The following COBLL1 variants were observed in gnomAD, a reference collection of about 807,000 sequenced individuals.
COBLL1 encodes cordon-bleu protein-like 1.
A neutral mutation model predicts 94.8 loss-of-function variants in COBLL1; 50 were observed. The observed-to-expected ratio is 0.53, with a 90% CI of 0.42 to 0.67. COBLL1 has a LOEUF of 0.67. Ranked by LOEUF, COBLL1 falls within the 30% of genes least tolerant of loss-of-function variation. The pLI is 0.00. For synonymous variants in COBLL1, 448 were observed against 473.8 expected, an observed-to-expected ratio of 0.95 and a Z score of 0.71; for missense variants, 1,362 against 1,348.7, an observed-to-expected ratio of 1.01 and a Z score of -0.15.
chr2:164,686,279 A>G (rs1174596724), intron 13 of COBLL1, among the ~76,000 whole-genome samples: 1 of 152,196 alleles, frequency 6.6e-6, no homozygotes, highest in Non-Finnish European at 1.5e-5. Flanking sequence ...CAGAATTACC[A>G]AATCAACACA....
intron 2 of COBLL1, among the ~76,000 whole-genome samples, chr2:164,767,731 T>A (rs2105239678): frequency 6.6e-6 from 1 of 152,290 alleles, no homozygotes; most frequent in South Asian, 2.1e-4. Flanking sequence ...ATAGCATAAT[T>A]TTTTGGTTAG....
chr2:164,660,443 C>T (rs1691053254), intron 2 of COBLL1, among the ~76,000 whole-genome samples: 1 of 152,008 alleles, frequency 6.6e-6, no homozygotes, highest in Non-Finnish European at 1.5e-5. Context: ...AGGAGGGCCA[C>T]GAGGGGTTCA....
rs1408597950 is a variant in COBLL1 at position 164,700,555 on chromosome 2, T to A, written c.1427A>T (p.Glu476Val). ...GSGEFSQNSM[E>V]EKQETKSTDG... ...TGTGCTTTTAGTTTCTTGTTTTTCT[T>A]CCATGGAGTTTTGTGAGAACTCTCC... Residue 476 changes from glutamate (E) to valine (V), a missense_variant, in exon 10 of 14, where the codon GAA becomes GTA. By Grantham distance (121) the Glu-to-Val change is moderately radical. Coordinates refer to ENST00000652658, the MANE Select transcript of COBLL1 (RefSeq NM_001365672.2). 5 of 1,613,726 alleles carry A rather than the reference T, an allele frequency of 3.1e-6. 1 individual carries two copies. In the South Asian group the frequency reaches 5.5e-5, roughly 18 times the overall value.
At chr2:164,828,485 A>C (rs1011482612) in intron 2 of COBLL1, among the ~76,000 whole-genome samples, 13 of 152,074 alleles carry the variant, frequency 8.5e-5, no homozygotes, top group African/African-American at 3.1e-4. Flanking sequence ...ACATAGCTAG[A>C]AAAAAAATAA....
At chr2:164,721,300 C>T (rs1315979411) in intron 7 of COBLL1, among the ~76,000 whole-genome samples, 6 of 152,072 alleles carry the variant, frequency 3.9e-5, no homozygotes, top group Admixed American at 6.6e-5. Context: ...TTTCTGATTA[C>T]CAGCAACAAT....
chr2:164,760,970 C>A (rs1458636455), intron 2 of COBLL1, among the ~76,000 whole-genome samples: 1 of 152,136 alleles, frequency 6.6e-6, no homozygotes, highest in Non-Finnish European at 1.5e-5. Flanking sequence ...TGATGATCCC[C>A]ATCAATAACT....
In COBLL1 at chr2:164,682,153, A is replaced by G. The variant is rs1039941779; in HGVS notation, c.*3793T>C. The G allele has an allele frequency of 2.0e-5, 3 of 152,196 alleles. No individual in the cohort carries two copies. The highest frequency in any genetic ancestry group is 7.2e-5 in the African/African-American group (3 of 41,450). 9.4% of individuals were successfully genotyped at this position (152,196 alleles called of 1,614,324 possible). ...GCTTCTGTGACCTTTGTAAAGTAGC[A>G]ATCTTTGCACACCTTTTAAATATGT... On this transcript the variant is annotated 3_prime_UTR_variant, in exon 14 of 14. Coordinates refer to ENST00000652658, the MANE Select transcript of COBLL1 (RefSeq NM_001365672.2).
At chr2:164,776,250 C>T (rs2105263352) in intron 2 of COBLL1, among the ~76,000 whole-genome samples, 1 of 152,176 alleles carries the variant, frequency 6.6e-6, no homozygotes, top group Non-Finnish European at 1.5e-5. Flanking sequence ...CAAACGCTTC[C>T]CATGGCCCTT....
intron 2 of COBLL1, among the ~76,000 whole-genome samples, chr2:164,819,902 T>C (rs1685076216): frequency 6.6e-6 from 1 of 151,684 alleles, no homozygotes; most frequent in Non-Finnish European, 1.5e-5. Context: ...CTTGGTTCAC[T>C]GCAACCTCTG....
At chr2:164,724,286 G>A (rs1449820329) in intron 5 of COBLL1, 2 of 152,126 alleles carry the variant, frequency 1.3e-5, no homozygotes, top group Non-Finnish European at 1.5e-5. Flanking sequence ...GTTTGCTGAT[G>A]GAAGTACACA....
chr2:164,687,822 T>G (rs1227230525), intron 13 of COBLL1: 1 of 367,444 alleles, frequency 2.7e-6, no homozygotes, highest in East Asian at 5.3e-5. Flanking sequence ...AATGTTTCTG[T>G]GTACAGGATA....
Position 164,704,506 on chromosome 2 carries a change from AC to A in COBLL1, c.1162del (p.Val388Ter). 1 of 1,613,102 alleles carries A rather than the reference AC, an allele frequency of 6.2e-7. No individual in the cohort carries two copies. Among genetic ancestry groups the A allele is most frequent in the Non-Finnish European group, 8.5e-7 (1 of 1,179,048 alleles). On this transcript the variant is annotated frameshift_variant, in exon 9 of 14. Transcript: ENST00000652658. LOFTEE classifies it high-confidence loss of function. ...AGCACTGTCTGGAGGAACTCCATCT[AC>A]TGGCTGTAAGGCTAAAGGAAAGAAG... ...ENSRVTALQP[V>X]DGVPPDSASE... is the part of the protein sequence containing the mutation.
chr2:164,677,796 A>C (rs1691362678), downstream of COBLL1, among the ~76,000 whole-genome samples: 1 of 152,190 alleles, frequency 6.6e-6, no homozygotes, highest in African/African-American at 2.4e-5. Context: ...TAAGATCTAG[A>C]TCTAGAGAGA....
At chr2:164,805,872 A>G (rs1684130602) in intron 2 of COBLL1, among the ~76,000 whole-genome samples, 1 of 152,194 alleles carries the variant, frequency 6.6e-6, no homozygotes, top group Non-Finnish European at 1.5e-5. Context: ...TGGATCATAT[A>G]GTAAGAACGT....
chr2:164,790,489 T>C (rs1294748368), intron 2 of COBLL1, among the ~76,000 whole-genome samples: 1 of 152,240 alleles, frequency 6.6e-6, no homozygotes, highest in Non-Finnish European at 1.5e-5. Flanking sequence ...AGTTTGGTGA[T>C]GCTTTTGTGA....
intron 2 of COBLL1, among the ~76,000 whole-genome samples, chr2:164,805,434 C>T (rs1351163892): frequency 6.9e-6 from 1 of 145,036 alleles, no homozygotes; most frequent in Non-Finnish European, 1.5e-5. Flanking sequence ...TATAATGTGC[C>T]CCTTATTACT....
Position 164,700,534 on chromosome 2 carries a change from C to G in COBLL1, c.1448G>C (p.Ser483Thr), listed in dbSNP as rs1179848996. The change falls in exon 10 of 14, where the codon AGC (serine) becomes ACC (threonine). Residue 483 changes from serine (S) to threonine (T), a missense_variant. By Grantham distance (58) the Ser-to-Thr change is moderately conservative. Transcript: ENST00000652658. Reference sequence around the variant, plus strand: ...AGAGACTACTTACTGTCCATCTGTGCTTTTAGTTTCTTGTTTTTCTTCCAT... The same window carrying G: ...AGAGACTACTTACTGTCCATCTGTGGTTTTAGTTTCTTGTTTTTCTTCCAT... ...NSMEEKQETKSTDGQEPHSVV... is the reference protein window; with the variant it reads ...NSMEEKQETKTTDGQEPHSVV... 1.2e-6 allele frequency: 2 copies of G among 1,611,564 alleles called. No individual in the cohort carries two copies. The highest frequency in any genetic ancestry group is 1.7e-6 in the Non-Finnish European group (2 of 1,177,952).
At chr2:164,783,295 C>G (rs1688797914) in intron 2 of COBLL1, among the ~76,000 whole-genome samples, 2 of 152,188 alleles carry the variant, frequency 1.3e-5, no homozygotes, top group South Asian at 2.1e-4. Context: ...TGCTTGTGGT[C>G]CCAGCTACTC....
At chr2:164,735,001 G>A (rs1436759672) in intron 3 of COBLL1, among the ~76,000 whole-genome samples, 1 of 152,134 alleles carries the variant, frequency 6.6e-6, no homozygotes, top group African/African-American at 2.4e-5. Flanking sequence ...ATTATAAAGG[G>A]CATTGAACCT....
Sources: allele counts gnomAD v4.1 joint callset (sites outside exome capture counted in the v4.1 genomes callset), GRCh38; gene constraint gnomAD v4.1.1; transcripts MANE v1.5; gene names NCBI Gene and HGNC (gene_info 2026-07-23, HGNC 2026-07-21).